The following TRPA1 variants were observed in gnomAD, a reference collection of about 807,000 sequenced individuals.
TRPA1 encodes the protein transient receptor potential cation channel subfamily A member 1.
Under a neutral mutation model 131.3 loss-of-function variants are expected in TRPA1, and 129 were observed. The ratio of observed to expected loss-of-function variants is 0.98; its 90% CI spans 0.85 to 1.14. TRPA1 has a LOEUF of 1.14. TRPA1 is among the 50% of genes most tolerant of loss of function. TRPA1 has a pLI of 0.00. For synonymous variants in TRPA1, 441 were observed against 451.7 expected (o/e 0.98, Z 0.30); for missense variants, 1,304 against 1,354.2 (o/e 0.96, Z 0.58).
the TRPA1 span, among the ~76,000 whole-genome samples, chr8:72,087,378 T>TATGCCGTTGGC: frequency 2.0e-5 from 3 of 152,160 alleles, no homozygotes; most frequent in Non-Finnish European, 4.4e-5. Context: ...GAAACTGAAG[T>TATGCCGTTGGC]ATGCCGTTGG....
chr8:72,032,120 A>G (rs1301642124), intron 23 of TRPA1, among the ~76,000 whole-genome samples: 1 of 152,206 alleles, frequency 6.6e-6, no homozygotes, highest in African/African-American at 2.4e-5. Context: ...GGGAACAGTG[A>G]GGCGTTGGGA....
intron 5 of TRPA1, 91 bp from the exon 6 acceptor site, chr8:72,063,035 A>AG: frequency 8.1e-7 from 1 of 1,237,488 alleles, no homozygotes; most frequent in Admixed American, 2.2e-5. Context: ...AGGTAAAAAA[A>AG]CAATGAAAGG....
Position 72,027,428 on chromosome 8 carries a change from C to A in TRPA1, c.2938-1355G>T, listed in dbSNP as rs545398637. On this transcript the variant is annotated intron_variant, in intron 24 of 26. Coordinates refer to ENST00000262209, the MANE Select transcript of TRPA1 (RefSeq NM_007332.3). ...ATGTTGAAGGGTAAGATGCACGCTG[C>A]GGATTTCCCTTTCTAATTTGCAGTG... Among the ~76,000 whole-genome samples the A allele has an allele frequency of 1.4e-4, 21 of 152,244 alleles. 1 individual carries two copies. The highest frequency in any genetic ancestry group is 4.6e-4 in the African/African-American group (19 of 41,556).
At chr8:72,027,309 G>T (rs1811643827) in intron 24 of TRPA1, among the ~76,000 whole-genome samples, 2 of 152,094 alleles carry the variant, frequency 1.3e-5, no homozygotes, top group South Asian at 4.1e-4. Context: ...GGCAAGCAAA[G>T]CCCCAAGTCC....
At chr8:72,077,396 AT>A (rs973916096), upstream of TRPA1, among the ~76,000 whole-genome samples, 2 of 152,024 alleles carry the variant, frequency 1.3e-5, no homozygotes, top group African/African-American at 4.8e-5. Flanking sequence ...CTCCTTTGTA[AT>A]ATCCCCTGGA....
At chr8:72,030,049 C>T (rs1346986059) in intron 23 of TRPA1, 80 bp from the exon 24 acceptor site, 14 of 1,282,226 alleles carry the variant, frequency 1.1e-5, no homozygotes, top group Non-Finnish European at 1.4e-5. Context: ...TTAGTCCATT[C>T]AGACTGCTGT....
chr8:72,061,496 GT>G, intron 7 of TRPA1, 128 bp downstream of exon 7: 1 of 1,066,394 alleles, frequency 9.4e-7, no homozygotes. Flanking sequence ...CAGGGTCTTT[GT>G]TATCTTTGCC....
intron 10 of TRPA1, chr8:72,056,392 A>T (rs1344637808): frequency 6.0e-6 from 1 of 166,452 alleles, no homozygotes; most frequent in Non-Finnish European, 1.3e-5. Context: ...TGATTATTAA[A>T]TACTGGCAAT....
intron 17 of TRPA1, 28 bp from the exon 18 acceptor site, chr8:72,039,825 A>C: frequency 6.9e-7 from 1 of 1,451,630 alleles, no homozygotes; most frequent in Non-Finnish European, 9.7e-7. Flanking sequence ...GTGTAATAAA[A>C]ACACAATCAT....
At chr8:72,053,972 A>G in intron 12 of TRPA1, 105 bp from the exon 13 acceptor site, 1 of 758,564 alleles carries the variant, frequency 1.3e-6, no homozygotes, top group Non-Finnish European at 2.3e-6. Context: ...AACAAAAAGC[A>G]TTATTGAGAT....
chr8:72,025,769 A>G (rs1186939524), intron 25 of TRPA1, among the ~76,000 whole-genome samples, 191 bp downstream of exon 25: 1 of 152,142 alleles, frequency 6.6e-6, no homozygotes, highest in Non-Finnish European at 1.5e-5. Flanking sequence ...GGGGAGAGCA[A>G]ACGTCACCCT....
At chr8:72,081,319 T>G in the TRPA1 span, among the ~76,000 whole-genome samples, 1 of 151,864 alleles carries the variant, frequency 6.6e-6, no homozygotes, top group Non-Finnish European at 1.5e-5. Context: ...TTTCTGTTGT[T>G]GATATTCAAT....
intron 10 of TRPA1, among the ~76,000 whole-genome samples, chr8:72,056,695 T>G (rs1805674697): frequency 6.6e-6 from 1 of 152,148 alleles, no homozygotes; most frequent in Non-Finnish European, 1.5e-5. Flanking sequence ...CTTTGTAAGT[T>G]AAAAAACTCA....
Position 72,071,684 on chromosome 8 carries a change from G to A in TRPA1, c.268+27C>T, listed in dbSNP as rs771985522. ...TAATTGAATGGGATGAATGATTTCTGGAAGATGAATTGTAATATTTTGTTA... is the reference window on the plus strand; with the variant it reads ...TAATTGAATGGGATGAATGATTTCTAGAAGATGAATTGTAATATTTTGTTA... On this transcript the variant is annotated intron_variant, in intron 2 of 26. Coordinates refer to ENST00000262209, the MANE Select transcript of TRPA1 (RefSeq NM_007332.3). 1.9e-6 allele frequency: 3 copies of A among 1,611,264 alleles called. No homozygotes were observed. In the Admixed American group the frequency reaches 5.0e-5, roughly 27 times the overall value.
chr8:72,029,605 T>A, intron 24 of TRPA1: 2 of 488,858 alleles, frequency 4.1e-6, no homozygotes, highest in Non-Finnish European at 3.7e-6. Flanking sequence ...GACTTTATGA[T>A]GTGTGAAAGT....
At chr8:72,071,956 A>T (rs1443743666) in intron 1 of TRPA1, 89 bp from the exon 2 acceptor site, 2 of 1,150,116 alleles carry the variant, frequency 1.7e-6, no homozygotes, top group African/African-American at 1.5e-5. Flanking sequence ...ACTTATTATT[A>T]TCCAAAACTA....
intron 17 of TRPA1, among the ~76,000 whole-genome samples, chr8:72,044,544 C>T (rs1463909769): frequency 1.3e-5 from 2 of 151,880 alleles, no homozygotes; most frequent in African/African-American, 4.8e-5. Context: ...AAATATCACC[C>T]AAATAAAGTG....
rs779667670 is a variant in TRPA1, at chr8:72,029,913, C to T, written c.2925G>A (p.Arg975=). The change falls in exon 24 of 27, where the codon AGG becomes AGA. Residue 975 remains arginine, a synonymous_variant. Transcript: ENST00000262209. ...AEVQKHASLK[R]IAMQVELHTS... ...GCACTGCACTTACCTGCATAGCTAT[C>T]CTCTTCAATGATGCATGTTTCTGGA... 1 of 1,613,904 alleles carries T rather than the reference C, an allele frequency of 6.2e-7. No homozygotes were observed. The highest frequency in any genetic ancestry group is 8.5e-7 in the Non-Finnish European group (1 of 1,179,852).
rs573376656 is a variant in TRPA1 at position 72,075,396 on chromosome 8, A to T, written c.14T>A (p.Leu5Gln). 6.2e-7 allele frequency: 1 copy of T among 1,609,124 alleles called. No homozygotes were observed. The highest frequency in any genetic ancestry group is 1.1e-5 in the South Asian group (1 of 90,982). ...TTCTCCAGGGCGCCACATCTTCCTCAGGCTGCGCTTCATTGACCCCACCCC... is the reference window on the plus strand; with the variant it reads ...TTCTCCAGGGCGCCACATCTTCCTCTGGCTGCGCTTCATTGACCCCACCCC... MKRS[L>Q]RKMWRPGEKK... Residue 5 changes from leucine (L) to glutamine (Q), a missense_variant, in exon 1 of 27, where the codon CTG becomes CAG. Leu to Gln is a moderately radical substitution (Grantham distance 113). Transcript: ENST00000262209.
Sources: allele counts gnomAD v4.1 joint callset (sites outside exome capture counted in the v4.1 genomes callset), GRCh38; gene constraint gnomAD v4.1.1; transcripts MANE v1.5; gene names NCBI Gene and HGNC (gene_info 2026-07-23, HGNC 2026-07-21).